The following HMCN1 variants were observed in gnomAD, a reference collection of about 807,000 sequenced individuals.
HMCN1 encodes the protein hemicentin-1.
In HMCN1, 321 loss-of-function variants were observed where a neutral mutation model predicts 625.9. The observed-to-expected ratio is 0.51, with a 90% CI of 0.47 to 0.56. The LOEUF is 0.56. Among genes scored for constraint, HMCN1 ranks in the 20% least tolerant of loss-of-function variants. HMCN1 has a pLI of 0.00. For missense variants in HMCN1, 6,588 were observed against 6,887.3 expected (o/e 0.96, Z 1.54); for synonymous variants, 2,425 against 2,417.6 (o/e 1.00, Z -0.09).
intron 4 of HMCN1, among the ~76,000 whole-genome samples, chr1:185,868,494 T>G (rs1663412566): frequency 1.3e-5 from 2 of 152,140 alleles, no homozygotes; most frequent in Admixed American, 6.5e-5. Flanking sequence ...TCACAAGATC[T>G]GATGGTTTTA....
intron 1 of HMCN1, among the ~76,000 whole-genome samples, chr1:185,747,106 T>G (rs1654460395): frequency 6.6e-6 from 1 of 152,108 alleles, no homozygotes; most frequent in Admixed American, 6.5e-5. Context: ...CAATTAACAT[T>G]AAAAAACCAA....
intron 68 of HMCN1, among the ~76,000 whole-genome samples, chr1:186,101,885 A>C (rs1273875903): frequency 6.6e-6 from 1 of 152,128 alleles, no homozygotes; most frequent in African/African-American, 2.4e-5. Context: ...GAAAATGAAA[A>C]AGCATAGACA....
At chr1:185,958,325 C>T (rs1259659366) in intron 11 of HMCN1, among the ~76,000 whole-genome samples, 1 of 152,056 alleles carries the variant, frequency 6.6e-6, no homozygotes, top group Non-Finnish European at 1.5e-5. Flanking sequence ...TGCCCTGTTA[C>T]CCAGACTGGT....
At chr1:186,106,822 T>C in intron 69 of HMCN1, 62 bp from the exon 70 acceptor site, 1 of 1,179,454 alleles carries the variant, frequency 8.5e-7, no homozygotes. Flanking sequence ...CTAGTGGATA[T>C]TTATTTTAAT....
chr1:186,009,709 A>T (rs1361831642), intron 30 of HMCN1, among the ~76,000 whole-genome samples: 3 of 152,160 alleles, frequency 2.0e-5, no homozygotes, highest in South Asian at 4.1e-4. Context: ...AATAAAAGAG[A>T]TGGAGGATAA....
chr1:186,160,992 CGTT>C (rs1018557505), intron 97 of HMCN1, among the ~76,000 whole-genome samples: 1 of 151,976 alleles, frequency 6.6e-6, no homozygotes, highest in Non-Finnish European at 1.5e-5. Flanking sequence ...CTTTCTGTCT[CGTT>C]GATCTGTCTA....
chr1:186,116,030 C>T (rs755920840), intron 75 of HMCN1, among the ~76,000 whole-genome samples: 17 of 152,020 alleles, frequency 1.1e-4, no homozygotes, highest in Admixed American at 7.9e-4. Flanking sequence ...TTTGCCATAG[C>T]GCTAAAAATA....
chr1:186,186,749 G>A (rs1345985942), intron 105 of HMCN1, among the ~76,000 whole-genome samples: 1 of 152,164 alleles, frequency 6.6e-6, no homozygotes, highest in African/African-American at 2.4e-5. Context: ...TGACTTTAGA[G>A]AGGAGAATTA....
intron 10 of HMCN1, among the ~76,000 whole-genome samples, chr1:185,932,794 C>T (rs1410956515): frequency 2.6e-5 from 4 of 151,968 alleles, no homozygotes; most frequent in Non-Finnish European, 5.9e-5. Context: ...ACACGTATAC[C>T]TATGTGACAA....
intron 4 of HMCN1, among the ~76,000 whole-genome samples, chr1:185,887,294 A>G (rs1227143947): frequency 6.6e-6 from 1 of 151,884 alleles, no homozygotes; most frequent in Non-Finnish European, 1.5e-5. Flanking sequence ...CTTAAATGAA[A>G]TTTATTTATT....
chr1:186,177,130 C>T (rs1652642030), intron 103 of HMCN1: 4 of 151,310 alleles, frequency 2.6e-5, no homozygotes, highest in Admixed American at 2.0e-4. Flanking sequence ...CAGTGAAACC[C>T]TGTCTCTGTC....
chr1:186,008,982 A>C (rs1183463732), intron 30 of HMCN1, among the ~76,000 whole-genome samples: 1 of 152,182 alleles, frequency 6.6e-6, no homozygotes, highest in Admixed American at 6.5e-5. Context: ...TCTATAAATA[A>C]AAGCCTTTGG....
intron 71 of HMCN1, among the ~76,000 whole-genome samples, chr1:186,110,101 T>C (rs1320531049): frequency 6.6e-6 from 1 of 152,172 alleles, no homozygotes; most frequent in Admixed American, 6.5e-5. Context: ...TACCTGTATT[T>C]TCCAAGAAGA....
chr1:186,144,345 T>C lies in HMCN1; in HGVS notation c.14095+2T>C, dbSNP rs1650150652. The stretch of plus-strand genomic sequence containing the variant: ...TTTGCAATGAAAGAAATTGTCCAAG[T>C]AAGAGAAATACACTGTTTATACCTT... On this transcript the variant is annotated splice_donor_variant, in intron 90 of 106. Coordinates refer to ENST00000271588, the MANE Select transcript of HMCN1 (RefSeq NM_031935.3). LOFTEE classifies it high-confidence loss of function. The C allele has an allele frequency of 6.2e-7, 1 of 1,612,936 alleles. No homozygotes were observed. The highest frequency in any genetic ancestry group is 1.1e-5 in the South Asian group (1 of 91,040).
chr1:186,076,656 C>T (rs1488036790), intron 54 of HMCN1, 34 bp downstream of exon 54: 2 of 1,588,650 alleles, frequency 1.3e-6, no homozygotes, highest in Non-Finnish European at 1.7e-6. Context: ...GAAAAGCTGA[C>T]TCTCTGCCAA....
chr1:185,752,357 C>T (rs1039164984), intron 1 of HMCN1, among the ~76,000 whole-genome samples: 3 of 152,030 alleles, frequency 2.0e-5, no homozygotes, highest in African/African-American at 4.8e-5. Context: ...CCATAAAAAT[C>T]GTGCCGACAT....
At chr1:185,832,319 T>C (rs1186118458) in intron 1 of HMCN1, among the ~76,000 whole-genome samples, 3 of 151,686 alleles carry the variant, frequency 2.0e-5, no homozygotes, top group Non-Finnish European at 4.4e-5. Flanking sequence ...AAAAATAAAG[T>C]TGATATGGAA....
chr1:186,021,912 G>C (rs930817367), intron 35 of HMCN1, among the ~76,000 whole-genome samples: 1 of 152,176 alleles, frequency 6.6e-6, no homozygotes, highest in South Asian at 2.1e-4. Context: ...ATCCCACAGT[G>C]GCTGTGGAAA....
intron 97 of HMCN1, among the ~76,000 whole-genome samples, chr1:186,159,920 G>A (rs1383378708): frequency 3.3e-5 from 5 of 152,202 alleles, no homozygotes; most frequent in Admixed American, 1.3e-4. Context: ...TGGTATCAGG[G>A]TGATGCTGGC....
Sources: allele counts gnomAD v4.1 joint callset (sites outside exome capture counted in the v4.1 genomes callset), GRCh38; gene constraint gnomAD v4.1.1; transcripts MANE v1.5; gene names NCBI Gene and HGNC (gene_info 2026-07-23, HGNC 2026-07-21).